TRAPPC9: variants seen among roughly 807,000 people sequenced by gnomAD.
TRAPPC9 encodes the protein trafficking protein particle complex subunit 9.
TRAPPC9 carries 83 observed loss-of-function variants against 124.0 expected under a neutral mutation model. The observed-to-expected ratio is 0.67, with a 90% CI of 0.56 to 0.80. TRAPPC9 has a LOEUF of 0.80. Among genes scored for constraint, TRAPPC9 ranks in the 30% least tolerant of loss-of-function variants. The pLI is 0.00. For missense variants in TRAPPC9, 1,302 were observed against 1,508.3 expected, an observed-to-expected ratio of 0.86 and a Z score of 2.27; for synonymous variants, 638 against 617.5, an observed-to-expected ratio of 1.03 and a Z score of -0.49.
intron 17 of TRAPPC9, among the ~76,000 whole-genome samples, chr8:140,124,295 C>T (rs1244556500): frequency 6.6e-6 from 1 of 152,166 alleles, no homozygotes; most frequent in African/African-American, 2.4e-5. Context: ...CTGGAGGCTG[C>T]CTGCTCTCCC....
intron 17 of TRAPPC9, among the ~76,000 whole-genome samples, chr8:140,181,336 C>T (rs2062198646): frequency 6.6e-6 from 1 of 152,220 alleles, no homozygotes; most frequent in East Asian, 1.9e-4. Flanking sequence ...TCTCAGCTCA[C>T]TACAACTTCC....
At chr8:139,919,874 A>G (rs1054793366) in intron 19 of TRAPPC9, among the ~76,000 whole-genome samples, 2 of 152,238 alleles carry the variant, frequency 1.3e-5, no homozygotes, top group East Asian at 1.9e-4. Flanking sequence ...TTTACCCTTC[A>G]TGACCCGCTC....
At chr8:139,815,828 C>A (rs575156274) in intron 21 of TRAPPC9, among the ~76,000 whole-genome samples, 1 of 152,352 alleles carries the variant, frequency 6.6e-6, no homozygotes, top group African/African-American at 2.4e-5. Flanking sequence ...ACACAGAGGG[C>A]AAGGAGGCTG....
At chr8:140,258,515 C>A (rs1266097442) in intron 15 of TRAPPC9, among the ~76,000 whole-genome samples, 1 of 152,350 alleles carries the variant, frequency 6.6e-6, no homozygotes, top group East Asian at 1.9e-4. Flanking sequence ...AAACTGCACT[C>A]CAGAAATTCA....
At chr8:139,918,092 C>A (rs1333448716) in intron 19 of TRAPPC9, among the ~76,000 whole-genome samples, 1 of 152,246 alleles carries the variant, frequency 6.6e-6, no homozygotes, top group Non-Finnish European at 1.5e-5. Flanking sequence ...GAGCCTCGCA[C>A]TCCTTCAATC....
chr8:140,314,693 A>G (rs2066398766), intron 9 of TRAPPC9, among the ~76,000 whole-genome samples: 1 of 152,068 alleles, frequency 6.6e-6, no homozygotes, highest in Admixed American at 6.5e-5. Flanking sequence ...ACCATGAGGG[A>G]TTTGTCTTTC....
At chr8:139,991,042 T>C (rs1342716704) in intron 18 of TRAPPC9, among the ~76,000 whole-genome samples, 1 of 152,196 alleles carries the variant, frequency 6.6e-6, no homozygotes, top group Non-Finnish European at 1.5e-5. Context: ...GACAGCTGCC[T>C]ACAAGAGGCC....
chr8:140,317,340 C>A (rs1374285339), intron 9 of TRAPPC9, among the ~76,000 whole-genome samples: 3 of 152,144 alleles, frequency 2.0e-5, no homozygotes, highest in Non-Finnish European at 4.4e-5. Flanking sequence ...GATGTAGGCA[C>A]CATCTTTGGC....
At chr8:140,242,159 AG>A (rs1056755428) in intron 16 of TRAPPC9, among the ~76,000 whole-genome samples, 14 of 133,744 alleles carry the variant, frequency 1.0e-4, no homozygotes, top group African/African-American at 1.7e-4. Context: ...AGAGAGAGAG[AG>A]AGAGGGAGAC....
intron 21 of TRAPPC9, among the ~76,000 whole-genome samples, chr8:139,821,216 G>A (rs1472784957): frequency 1.3e-5 from 2 of 152,240 alleles, no homozygotes; most frequent in African/African-American, 4.8e-5. Context: ...AGAAACACAT[G>A]AGCAAAGCCC....
intron 9 of TRAPPC9, among the ~76,000 whole-genome samples, chr8:140,328,598 G>C (rs781156728): frequency 1.9e-4 from 29 of 152,156 alleles, no homozygotes; most frequent in Non-Finnish European, 3.1e-4. Context: ...AAGGGTGGGA[G>C]CAGGTGAAGG....
At position 140,104,944 on chromosome 8, in the gene TRAPPC9, A is replaced by G. The variant is rs149037205; in HGVS notation, c.2557-80865T>C. 1.8e-4 allele frequency among the ~76,000 whole-genome samples: 27 copies of G among 152,274 alleles called. No individual in the cohort carries two copies. The highest frequency in any genetic ancestry group is 6.3e-4 in the African/African-American group (26 of 41,550). Reference sequence around the variant, plus strand: ...CGCTTGCCCCCTGGGCCTGTCATCCATGCTGCATCGTGGCAGGGTCCCACT... The same window carrying G: ...CGCTTGCCCCCTGGGCCTGTCATCCGTGCTGCATCGTGGCAGGGTCCCACT... On this transcript the variant is annotated intron_variant, in intron 17 of 22. Coordinates refer to ENST00000438773, the MANE Select transcript of TRAPPC9 (RefSeq NM_001160372.4). The surrounding 1 kb of genome is among the most constrained non-coding windows in gnomAD (Gnocchi z 4.0).
chr8:140,375,004 G>A (rs1236670685), intron 7 of TRAPPC9, among the ~76,000 whole-genome samples: 1 of 152,128 alleles, frequency 6.6e-6, no homozygotes. Flanking sequence ...TCCTTAATGG[G>A]AAAAGCTCGA....
intron 19 of TRAPPC9, among the ~76,000 whole-genome samples, chr8:139,937,769 C>A (rs1833628733): frequency 6.6e-6 from 1 of 152,206 alleles, no homozygotes; most frequent in Non-Finnish European, 1.5e-5. Context: ...CGTATTATTA[C>A]CGCTGCCGCC....
intron 17 of TRAPPC9, among the ~76,000 whole-genome samples, chr8:140,077,174 A>G (rs1843560608): frequency 6.6e-6 from 1 of 152,194 alleles, no homozygotes; most frequent in Non-Finnish European, 1.5e-5. Flanking sequence ...TCAAAAGAAA[A>G]AAAAAGGAAG....
At chr8:140,154,889 C>T (rs941420708) in intron 17 of TRAPPC9, among the ~76,000 whole-genome samples, 2 of 152,218 alleles carry the variant, frequency 1.3e-5, no homozygotes, top group Non-Finnish European at 2.9e-5. Context: ...AAATCTTTAT[C>T]ACTGTAACTC....
intron 11 of TRAPPC9, among the ~76,000 whole-genome samples, chr8:140,297,423 G>A (rs1056917924): frequency 9.2e-5 from 14 of 151,420 alleles, no homozygotes; most frequent in African/African-American, 1.5e-4. Context: ...ATATACACAC[G>A]CATACACACA....
At chr8:140,204,932 C>T (rs922136845) in intron 17 of TRAPPC9, among the ~76,000 whole-genome samples, 2 of 152,118 alleles carry the variant, frequency 1.3e-5, no homozygotes, top group Non-Finnish European at 2.9e-5. Flanking sequence ...TTCCAGTGAA[C>T]GGAATTTCAT....
chr8:140,050,595 G>C (rs1841924011), intron 17 of TRAPPC9, among the ~76,000 whole-genome samples: 1 of 152,058 alleles, frequency 6.6e-6, no homozygotes, highest in African/African-American at 2.4e-5. Flanking sequence ...ATGGTCCCCT[G>C]ACGGAGGCAC....
Sources: gnomAD v4.1 joint callset for allele counts (sites outside exome capture counted in the v4.1 genomes callset) on GRCh38, gnomAD v4.1.1 for gene constraint, Gnocchi (gnomAD v3.1) non-coding constraint, MANE v1.5 for transcripts, NCBI Gene and HGNC (gene_info 2026-07-23, HGNC 2026-07-21) for gene names.